The following CHST8 variants were observed in gnomAD, a reference collection of about 807,000 sequenced individuals.
CHST8 encodes the protein GALNAC-4-ST1.
In CHST8, 10 loss-of-function variants were observed where a neutral mutation model predicts 15.0. The ratio of observed to expected loss-of-function variants is 0.67; its 90% confidence interval spans 0.41 to 1.13. CHST8 has a LOEUF of 1.13. Ranked by LOEUF, CHST8 falls within the 50% of genes most tolerant of loss-of-function variation. The pLI is 0.00. For synonymous variants in CHST8, 259 were observed against 256.6 expected (o/e 1.01, Z -0.09); for missense variants, 634 against 608.2 (o/e 1.04, Z -0.45).
In CHST8 at chr19:33,772,654, C is replaced by A; in HGVS notation, c.866C>A (p.Ala289Asp). ...YHPVFGKAIL[A>D]RYRANASREA... ...CCGGTCTTCGGCAAGGCCATCCTGG[C>A]CCGGTACCGCGCCAATGCCTCTCGG... Residue 289 changes from alanine to aspartate, a missense_variant, in exon 5 of 5, where the codon GCC becomes GAC. By Grantham distance (126) the Ala-to-Asp change is moderately radical (BLOSUM62 -2). Transcript: ENST00000650847. The A allele has an allele frequency of 1.2e-6, 2 of 1,613,932 alleles. No individual in the cohort carries two copies. Among genetic ancestry groups the A allele is most frequent in the South Asian group, 2.2e-5 (2 of 91,090 alleles).
chr19:33,635,757 T>C (rs1257055590), intron 1 of CHST8, among the ~76,000 whole-genome samples: 1 of 152,160 alleles, frequency 6.6e-6, no homozygotes, highest in Non-Finnish European at 1.5e-5. Flanking sequence ...CAGGGTTCAC[T>C]GGAGAGCTAT....
intron 1 of CHST8, among the ~76,000 whole-genome samples, chr19:33,631,288 C>T (rs763136368): frequency 1.3e-5 from 2 of 152,166 alleles, no homozygotes; most frequent in Non-Finnish European, 2.9e-5. Flanking sequence ...CTCCTATAGA[C>T]ATCTGGGTCT....
At chr19:33,694,123 T>TAC (rs1425295312) in intron 3 of CHST8, among the ~76,000 whole-genome samples, 2 of 92,266 alleles carry the variant, frequency 2.2e-5, no homozygotes, top group Non-Finnish European at 4.5e-5. Flanking sequence ...TATATATATA[T>TAC]ATATATAAAT....
chr19:33,645,541 T>C, intron 1 of CHST8, among the ~76,000 whole-genome samples: 1 of 152,054 alleles, frequency 6.6e-6, no homozygotes, highest in East Asian at 1.9e-4. Context: ...GAGGAAGAGA[T>C]AGCTTTTGGT....
At chr19:33,630,714 G>A (rs1208198274) in intron 1 of CHST8, among the ~76,000 whole-genome samples, 1 of 151,694 alleles carries the variant, frequency 6.6e-6, no homozygotes, top group Non-Finnish European at 1.5e-5. Context: ...CGTGGTACAG[G>A]CAGTCTGTCT....
At chr19:33,661,161 A>G (rs1972580559) in intron 1 of CHST8, among the ~76,000 whole-genome samples, 2 of 152,036 alleles carry the variant, frequency 1.3e-5, no homozygotes, top group Admixed American at 1.3e-4. Context: ...AAATAAAATA[A>G]ATGAGCTGGG....
rs1975051462 is a variant in CHST8, at chr19:33,773,248, G to GC, written c.*189dup. ...CGCCCAGCCTTGGATGGGGACCCCAGCCCCTGGCCTGTACCTGTTTCCTCA... is the reference window on the plus strand; with the variant it reads ...CGCCCAGCCTTGGATGGGGACCCCAGCCCCCTGGCCTGTACCTGTTTCCTCA... On this transcript the variant is annotated 3_prime_UTR_variant, in exon 5 of 5. Transcript: ENST00000650847. The GC allele has an allele frequency of 4.6e-6, 3 of 646,808 alleles. No homozygotes were observed. Among genetic ancestry groups the GC allele is most frequent in the Middle Eastern group, 4.2e-4 (1 of 2,366 alleles). 40.1% of individuals were successfully genotyped at this position (646,808 alleles called of 1,614,324 possible).
At chr19:33,656,160 T>C (rs1245975659) in intron 1 of CHST8, among the ~76,000 whole-genome samples, 1 of 152,164 alleles carries the variant, frequency 6.6e-6, no homozygotes, top group Non-Finnish European at 1.5e-5. Flanking sequence ...TTTAAAGCTT[T>C]TTATTTTTTC....
intron 1 of CHST8, among the ~76,000 whole-genome samples, chr19:33,665,563 TG>T (rs111559246): frequency 0.016 from 2,379 of 151,640 alleles, 39 homozygotes; most frequent in African/African-American, 0.035. Context: ...TGGAGGAAGA[TG>T]GCAAATGGAA....
chr19:33,769,367 G>T (rs1224707152), intron 3 of CHST8, among the ~76,000 whole-genome samples: 1 of 152,256 alleles, frequency 6.6e-6, no homozygotes, highest in Admixed American at 6.5e-5. Context: ...GAGATGACAG[G>T]AGTGACAAGC....
At chr19:33,659,661 A>G (rs1972560538) in intron 1 of CHST8, among the ~76,000 whole-genome samples, 1 of 152,064 alleles carries the variant, frequency 6.6e-6, no homozygotes, top group South Asian at 2.1e-4. Context: ...AATTAAAAAA[A>G]TAACCAGGAA....
chr19:33,702,024 T>C (rs911045671), intron 3 of CHST8, among the ~76,000 whole-genome samples: 4 of 152,196 alleles, frequency 2.6e-5, no homozygotes, highest in Admixed American at 1.3e-4. Flanking sequence ...AATCTCGCTG[T>C]GTCACCCAGG....
chr19:33,659,694 C>T (rs1972561338), intron 1 of CHST8, among the ~76,000 whole-genome samples: 2 of 151,964 alleles, frequency 1.3e-5, no homozygotes, highest in Admixed American at 1.3e-4. Flanking sequence ...CCTGAAATCC[C>T]AGCTACTCAA....
chr19:33,759,446 TG>T (rs1285844424), intron 3 of CHST8, among the ~76,000 whole-genome samples: 1 of 152,160 alleles, frequency 6.6e-6, no homozygotes, highest in Non-Finnish European at 1.5e-5. Flanking sequence ...GCTGAGAGCC[TG>T]GGGTGGGATC....
At chr19:33,758,679 C>T (rs1599632507) in intron 3 of CHST8, among the ~76,000 whole-genome samples, 1 of 152,344 alleles carries the variant, frequency 6.6e-6, no homozygotes, top group Admixed American at 6.5e-5. Context: ...TCCTGGCTGC[C>T]TGACTCCATT....
In CHST8 at chr19:33,729,230, C is replaced by A. The variant is rs185008657; in HGVS notation, c.130+39839C>A. On this transcript the variant is annotated intron_variant, in intron 3 of 4. Coordinates refer to ENST00000650847, the MANE Select transcript of CHST8 (RefSeq NM_001127895.2). Reference sequence around the variant, plus strand: ...CAGCTGGGGCTGCAGTCTCATCTGACGGCTCAACAACTGAGGGAGGATCTG... The same window carrying A: ...CAGCTGGGGCTGCAGTCTCATCTGAAGGCTCAACAACTGAGGGAGGATCTG... Among the ~76,000 whole-genome samples the A allele has an allele frequency of 2.6e-5, 4 of 152,352 alleles. No homozygotes were observed. The South Asian group carries it at 6.2e-4, about 24-fold the overall frequency.
At chr19:33,697,562 A>G (rs1435364260) in intron 3 of CHST8, among the ~76,000 whole-genome samples, 2 of 152,122 alleles carry the variant, frequency 1.3e-5, no homozygotes, top group Non-Finnish European at 2.9e-5. Flanking sequence ...CTATGAGTGA[A>G]TTATTATTAC....
chr19:33,650,337 T>C (rs1395093932), intron 1 of CHST8, among the ~76,000 whole-genome samples: 3 of 152,078 alleles, frequency 2.0e-5, no homozygotes, highest in Non-Finnish European at 2.9e-5. Flanking sequence ...TCTCAGAGAC[T>C]ATCTATTCAG....
intron 3 of CHST8, among the ~76,000 whole-genome samples, chr19:33,761,660 AATATGTAT>A (rs907650467): frequency 5.3e-5 from 8 of 151,306 alleles, no homozygotes; most frequent in Non-Finnish European, 1.0e-4. Context: ...ATAGTATAAA[AATATGTAT>A]ATATGTATAT....
Sources: allele counts gnomAD v4.1 joint callset (sites outside exome capture counted in the v4.1 genomes callset), GRCh38; gene constraint gnomAD v4.1.1; transcripts MANE v1.5; gene names NCBI Gene and HGNC (gene_info 2026-07-23, HGNC 2026-07-21).